The following DLG2 variants were observed in gnomAD, a reference collection of about 807,000 sequenced individuals.
DLG2 encodes the protein disks large homolog 2.
Under a neutral mutation model 132.5 loss-of-function variants are expected in DLG2, and 45 were observed. The ratio of observed to expected loss-of-function variants is 0.34; its 90% CI spans 0.27 to 0.44. The LOEUF (loss-of-function observed/expected upper bound fraction) is 0.44. Among genes scored for constraint, DLG2 ranks in the 20% least tolerant of loss-of-function variants. The pLI, the probability that DLG2 is intolerant of heterozygous loss-of-function variation, is 1.00. For missense variants in DLG2, 1,045 were observed against 1,196.9 expected (o/e 0.87, Z 1.87); for synonymous variants, 424 against 419.6 (o/e 1.01, Z -0.13).
chr11:84,587,322 G>A (rs761929386), intron 6 of DLG2, among the ~76,000 whole-genome samples: 17 of 152,100 alleles, frequency 1.1e-4, no homozygotes, highest in Non-Finnish European at 2.4e-4. Context: ...TATTTTGTGG[G>A]AGAACTTCTG....
intron 7 of DLG2, among the ~76,000 whole-genome samples, chr11:84,501,903 T>C (rs1003882755): frequency 6.6e-5 from 10 of 152,088 alleles, no homozygotes; most frequent in African/African-American, 2.2e-4. Context: ...AATATACTGA[T>C]GCCCAGAAGA....
At chr11:83,972,872 T>A (rs561793703) in intron 12 of DLG2, among the ~76,000 whole-genome samples, 1 of 152,100 alleles carries the variant, frequency 6.6e-6, no homozygotes, top group African/African-American at 2.4e-5. Flanking sequence ...TAGCACCAGA[T>A]CATATTAGTT....
At chr11:85,613,148 TC>T (rs2081115837) in intron 2 of DLG2, among the ~76,000 whole-genome samples, 1 of 152,190 alleles carries the variant, frequency 6.6e-6, no homozygotes, top group African/African-American at 2.4e-5. Flanking sequence ...CCTTTCTAGG[TC>T]CCATGGCAGC....
intron 4 of DLG2, among the ~76,000 whole-genome samples, chr11:85,240,684 A>C (rs907887968): frequency 1.7e-4 from 26 of 151,790 alleles, no homozygotes; most frequent in African/African-American, 6.3e-4. Flanking sequence ...GTCTGTCATA[A>C]CACCACTTTT....
intron 3 of DLG2, among the ~76,000 whole-genome samples, chr11:85,393,795 G>T (rs1455290172): frequency 1.3e-5 from 2 of 152,068 alleles, no homozygotes; most frequent in Non-Finnish European, 2.9e-5. Flanking sequence ...TCTAAGTGAA[G>T]TAACTCAGGA....
chr11:85,385,917 C>G (rs2086284095), intron 3 of DLG2, among the ~76,000 whole-genome samples: 1 of 152,188 alleles, frequency 6.6e-6, no homozygotes, highest in South Asian at 2.1e-4. Context: ...CTTTACTCCA[C>G]CCCACATTCC....
At chr11:85,309,416 A>C (rs1434900449) in intron 3 of DLG2, among the ~76,000 whole-genome samples, 1 of 103,348 alleles carries the variant, frequency 9.7e-6, no homozygotes, top group Non-Finnish European at 2.1e-5. Flanking sequence ...GACTCCATAT[A>C]GGGGTTTTCT....
rs1474609457 is a variant in DLG2, at chr11:84,134,866, C to T, written c.624+28595G>A. On this transcript the variant is annotated intron_variant, in intron 9 of 27. Transcript: ENST00000376104. Reference sequence around the variant, plus strand: ...CCCTTTTCTGATGGTGCCTGAAGTCCAGCCAATATAGGGTAGTCATTACAG... The same window carrying T: ...CCCTTTTCTGATGGTGCCTGAAGTCTAGCCAATATAGGGTAGTCATTACAG... Among the ~76,000 whole-genome samples, 17 of 151,960 alleles carry T rather than the reference C, an allele frequency of 1.1e-4. No homozygotes were observed. The East Asian group carries it at 3.1e-3, about 28-fold the overall frequency.
At chr11:84,967,957 T>C (rs1012654694) in intron 6 of DLG2, among the ~76,000 whole-genome samples, 1 of 152,034 alleles carries the variant, frequency 6.6e-6, no homozygotes, top group African/African-American at 2.4e-5. Context: ...TGGAATAACC[T>C]AGAAAAGCCA....
At chr11:84,327,707 T>A (rs908938445) in intron 7 of DLG2, among the ~76,000 whole-genome samples, 1 of 152,224 alleles carries the variant, frequency 6.6e-6, no homozygotes, top group African/African-American at 2.4e-5. Flanking sequence ...ACTCTTTTAC[T>A]CTTCCCCCCA....
At chr11:85,453,222 T>C (rs551341895) in intron 3 of DLG2, 7 of 368,162 alleles carry the variant, frequency 1.9e-5, no homozygotes, top group African/African-American at 1.3e-4. Flanking sequence ...AGCATCCAAA[T>C]TATTATCTGG....
intron 3 of DLG2, among the ~76,000 whole-genome samples, chr11:85,516,466 G>C (rs887849355): frequency 6.6e-6 from 1 of 151,812 alleles, no homozygotes; most frequent in Non-Finnish European, 1.5e-5. Flanking sequence ...AAATGAAATT[G>C]AGACCAAAAA....
intron 17 of DLG2, among the ~76,000 whole-genome samples, chr11:83,808,514 T>C (rs940076125): frequency 2.6e-5 from 4 of 152,170 alleles, no homozygotes; most frequent in Non-Finnish European, 4.4e-5. Flanking sequence ...ACAGAGGACC[T>C]GGAACTCTCA....
At chr11:84,906,669 T>C (rs1033781924) in intron 6 of DLG2, among the ~76,000 whole-genome samples, 1 of 152,006 alleles carries the variant, frequency 6.6e-6, no homozygotes. Context: ...GGGAGGCATG[T>C]CGTAATCAAA....
At chr11:84,211,215 CA>C (rs1212309596) in intron 8 of DLG2, among the ~76,000 whole-genome samples, 34 of 152,196 alleles carry the variant, frequency 2.2e-4, no homozygotes, top group Middle Eastern at 6.8e-3. Flanking sequence ...ATTGGTGATA[CA>C]AAAGTACTTT....
At chr11:85,044,022 C>G (rs982053404) in intron 6 of DLG2, among the ~76,000 whole-genome samples, 4 of 151,972 alleles carry the variant, frequency 2.6e-5, no homozygotes, top group African/African-American at 9.7e-5. Flanking sequence ...CTACTAGGAA[C>G]TACCCTAAAC....
At chr11:84,624,906 G>A (rs1456660637) in intron 6 of DLG2, among the ~76,000 whole-genome samples, 1 of 113,480 alleles carries the variant, frequency 8.8e-6, no homozygotes, top group Non-Finnish European at 1.7e-5. Flanking sequence ...CGCCCAGGCT[G>A]GAGTGCAGTG....
At chr11:84,849,197 A>C (rs951085839) in intron 6 of DLG2, among the ~76,000 whole-genome samples, 1 of 152,196 alleles carries the variant, frequency 6.6e-6, no homozygotes, top group South Asian at 2.1e-4. Context: ...AATTAGACTA[A>C]AGAACTACAT....
chr11:84,753,414 TAAG>T (rs1234004137), intron 6 of DLG2, among the ~76,000 whole-genome samples: 1 of 152,176 alleles, frequency 6.6e-6, no homozygotes, highest in Non-Finnish European at 1.5e-5. Flanking sequence ...GTAACAGTAG[TAAG>T]AAGTAGCCAT....
Sources: gnomAD v4.1 joint callset for allele counts (sites outside exome capture counted in the v4.1 genomes callset) on GRCh38, gnomAD v4.1.1 for gene constraint, MANE v1.5 for transcripts, NCBI Gene and HGNC (gene_info 2026-07-23, HGNC 2026-07-21) for gene names.